RIMS2: variants seen among roughly 807,000 people sequenced by gnomAD.
The protein encoded by RIMS2 is regulating synaptic membrane exocytosis 2, also known as regulating synaptic membrane exocytosis protein 2.
A neutral mutation model predicts 174.4 loss-of-function variants in RIMS2; 59 were observed. The observed-to-expected ratio is 0.34, with a 90% CI of 0.27 to 0.42. The LOEUF (loss-of-function observed/expected upper bound fraction) is 0.42, where lower values mean the gene tolerates loss of function less well. Among genes scored for constraint, RIMS2 ranks in the 10% least tolerant of loss-of-function variants. RIMS2 has a pLI of 1.00. For missense variants in RIMS2, 1,620 were observed against 1,666.3 expected (o/e 0.97, Z 0.48); for synonymous variants, 606 against 572.5 (o/e 1.06, Z -0.84).
intron 2 of RIMS2, among the ~76,000 whole-genome samples, chr8:103,699,488 C>A (rs2097144260): frequency 6.6e-6 from 1 of 152,194 alleles, no homozygotes; most frequent in Non-Finnish European, 1.5e-5. Flanking sequence ...CCTTGGCTTC[C>A]CAAAGTGCTG....
intron 17 of RIMS2, among the ~76,000 whole-genome samples, chr8:104,012,091 AGT>A (rs1485281344): frequency 2.0e-5 from 3 of 151,922 alleles, no homozygotes; most frequent in African/African-American, 7.2e-5. Context: ...ATTTAATGTC[AGT>A]TAATTTGACA....
chr8:103,570,486 T>G (rs982645898), intron 1 of RIMS2, among the ~76,000 whole-genome samples: 3 of 152,190 alleles, frequency 2.0e-5, no homozygotes, highest in Non-Finnish European at 4.4e-5. Context: ...TCTGATGCTT[T>G]GCTTCTCTAA....
chr8:103,917,977 AAAAT>A (rs2076931444), intron 8 of RIMS2, among the ~76,000 whole-genome samples: 2 of 152,224 alleles, frequency 1.3e-5, no homozygotes, highest in Admixed American at 1.3e-4. Context: ...TAAAAAAATA[AAAAT>A]AAATAAAATA....
At chr8:103,767,890 A>G (rs191668887) in intron 3 of RIMS2, among the ~76,000 whole-genome samples, 1 of 152,336 alleles carries the variant, frequency 6.6e-6, no homozygotes, top group Non-Finnish European at 1.5e-5. Flanking sequence ...GTTATCCTAT[A>G]TAGAGGACAA....
chr8:104,237,013 C>T (rs1256390904), intron 19 of RIMS2, among the ~76,000 whole-genome samples: 1 of 152,078 alleles, frequency 6.6e-6, no homozygotes, highest in African/African-American at 2.4e-5. Flanking sequence ...TCCTGTAAAT[C>T]TAAAACTATT....
intron 19 of RIMS2, among the ~76,000 whole-genome samples, chr8:104,202,546 G>A (rs2099060268): frequency 6.6e-6 from 1 of 152,158 alleles, no homozygotes; most frequent in Admixed American, 6.5e-5. Flanking sequence ...AGTTCTTGAG[G>A]CTGACTGGAA....
chr8:104,146,940 A>G (rs1254626906), intron 19 of RIMS2, among the ~76,000 whole-genome samples: 1 of 152,022 alleles, frequency 6.6e-6, no homozygotes, highest in African/African-American at 2.4e-5. Flanking sequence ...AGCAGTCGTC[A>G]TGCCTCAGCC....
At chr8:103,920,885 G>A in intron 9 of RIMS2, 1 of 336,866 alleles carries the variant, frequency 3.0e-6, no homozygotes, top group South Asian at 2.2e-5. Context: ...TGTAGTCCCA[G>A]CTACTTGGGA....
At chr8:104,196,331 T>C (rs78645377) in intron 19 of RIMS2, among the ~76,000 whole-genome samples, 1 of 152,166 alleles carries the variant, frequency 6.6e-6, no homozygotes, top group Admixed American at 6.5e-5. Flanking sequence ...AACCTTTGAA[T>C]AACCTTACGA....
intron 19 of RIMS2, among the ~76,000 whole-genome samples, chr8:104,103,598 T>A (rs2097955700): frequency 6.6e-6 from 1 of 152,120 alleles, no homozygotes; most frequent in Non-Finnish European, 1.5e-5. Flanking sequence ...CTTTTTTCTA[T>A]TTTTTTCATC....
chr8:103,606,024 A>C (rs1331929565), intron 1 of RIMS2, among the ~76,000 whole-genome samples: 1 of 143,968 alleles, frequency 6.9e-6, no homozygotes, highest in African/African-American at 2.6e-5. Context: ...GATTTTAGTT[A>C]TTTCTTGCCT....
At chr8:104,186,367 T>G (rs2098967958) in intron 19 of RIMS2, among the ~76,000 whole-genome samples, 1 of 151,806 alleles carries the variant, frequency 6.6e-6, no homozygotes, top group South Asian at 2.1e-4. Flanking sequence ...TTCTACCTGG[T>G]AAATTTATAG....
intron 3 of RIMS2, among the ~76,000 whole-genome samples, chr8:103,844,286 A>G (rs2098956491): frequency 6.6e-6 from 1 of 152,234 alleles, no homozygotes; most frequent in African/African-American, 2.4e-5. Flanking sequence ...ATAAGGTAAT[A>G]TCTATGAGAA....
chr8:103,617,577 A>G (rs950432592), intron 1 of RIMS2, among the ~76,000 whole-genome samples: 8 of 152,324 alleles, frequency 5.3e-5, no homozygotes, highest in Non-Finnish European at 1.0e-4. Flanking sequence ...CAGACAGCCT[A>G]TAGAATGGGA....
intron 17 of RIMS2, among the ~76,000 whole-genome samples, chr8:103,999,833 A>G (rs1424530435): frequency 6.6e-6 from 1 of 151,726 alleles, no homozygotes; most frequent in East Asian, 1.9e-4. Flanking sequence ...CTTTTCCCCA[A>G]ATTCTCAACT....
rs139821711 is a variant in RIMS2, at chr8:103,917,216, T to A, written c.2036+679T>A. Among the ~76,000 whole-genome samples the A allele has an allele frequency of 1.5e-3, 222 of 152,246 alleles. 3 individuals are homozygous for A. The East Asian group carries it at 0.04, about 28-fold the overall frequency. ...GTTAGTGAATTATTACATGCAGATTTGGGGTAAGAGCATTCTAGGGTGAAG... is the reference window on the plus strand; with the variant it reads ...GTTAGTGAATTATTACATGCAGATTAGGGGTAAGAGCATTCTAGGGTGAAG... On this transcript the variant is annotated intron_variant, in intron 8 of 23. Transcript: ENST00000504942.
At chr8:103,921,903 A>C in intron 10 of RIMS2, 119 bp downstream of exon 13, 1 of 449,018 alleles carries the variant, frequency 2.2e-6, no homozygotes. Flanking sequence ...TTAACCTCCC[A>C]CTTTCTCATT....
At position 104,021,176 on chromosome 8, in the gene RIMS2, A is replaced by G. The variant is rs572981609; in HGVS notation, c.3334+6561A>G. The stretch of plus-strand genomic sequence containing the variant: ...TTCCCTGTCTTCATCTTTTATAAAG[A>G]ATGTCTACAGTGTTATTTGTAAAAC... On this transcript the variant is annotated intron_variant, in intron 19 of 23. Transcript: ENST00000504942. 1.6e-4 allele frequency among the ~76,000 whole-genome samples: 24 copies of G among 151,792 alleles called. No individual in the cohort carries two copies. The South Asian group carries it at 4.6e-3, about 29-fold the overall frequency.
intron 10 of RIMS2, among the ~76,000 whole-genome samples, chr8:103,924,977 G>A (rs1173163196): frequency 1.3e-5 from 2 of 151,542 alleles, no homozygotes; most frequent in Non-Finnish European, 3.0e-5. Context: ...TTCACTGACA[G>A]CACTCCCTTA....
Sources: allele counts gnomAD v4.1 joint callset (sites outside exome capture counted in the v4.1 genomes callset), GRCh38; gene constraint gnomAD v4.1.1; transcripts MANE v1.5; gene names NCBI Gene and HGNC (gene_info 2026-07-23, HGNC 2026-07-21).